Variants in RHBDL2 observed in about 807,000 individuals in gnomAD.
RHBDL2 encodes the protein rhomboid-related protein 2.
Under a neutral mutation model 31.7 loss-of-function variants are expected in RHBDL2, and 26 were observed. The observed-to-expected ratio is 0.82, with a 90% CI of 0.60 to 1.14. The LOEUF is 1.14. Among genes scored for constraint, RHBDL2 ranks in the 50% most tolerant of loss-of-function variants. RHBDL2 has a pLI of 0.00. For missense variants in RHBDL2, 336 were observed against 364.4 expected, an observed-to-expected ratio of 0.92 and a Z score of 0.63; for synonymous variants, 123 against 127.2, an observed-to-expected ratio of 0.97 and a Z score of 0.22.
intron 1 of RHBDL2, among the ~76,000 whole-genome samples, chr1:38,933,389 C>T (rs1036435034): frequency 6.6e-6 from 1 of 152,190 alleles, no homozygotes; most frequent in African/African-American, 2.4e-5. Flanking sequence ...CATTTCCCCA[C>T]TTATATTCTC....
intron 1 of RHBDL2, among the ~76,000 whole-genome samples, chr1:38,939,002 G>A (rs964331455): frequency 6.6e-6 from 1 of 152,208 alleles, no homozygotes; most frequent in African/African-American, 2.4e-5. Context: ...ATGAGGTGCT[G>A]AACGAACAGG....
At chr1:38,894,707 CTTTTTTT>C (rs71057159) in intron 5 of RHBDL2, among the ~76,000 whole-genome samples, 1 of 114,192 alleles carries the variant, frequency 8.8e-6, no homozygotes, top group Non-Finnish European at 1.7e-5. Flanking sequence ...CTTTTTTTTT[CTTTTTTT>C]TTTTTTTTTT....
chr1:38,919,488 A>C, intron 1 of RHBDL2, 151 bp from the exon 2 acceptor site: 1 of 485,766 alleles, frequency 2.1e-6, no homozygotes, highest in Non-Finnish European at 3.3e-6. Flanking sequence ...GTAAGTTAAC[A>C]TCAGATAAAT....
At chr1:38,903,659 A>T (rs934907094) in intron 4 of RHBDL2, among the ~76,000 whole-genome samples, 1 of 152,172 alleles carries the variant, frequency 6.6e-6, no homozygotes, top group African/African-American at 2.4e-5. Flanking sequence ...CCCCAAGTTG[A>T]TCTATAGATT....
chr1:38,893,289 C>A (rs1328973990), intron 5 of RHBDL2, 65 bp from the exon 6 acceptor site: 1 of 714,822 alleles, frequency 1.4e-6, no homozygotes, highest in Admixed American at 2.3e-5. Context: ...CAACTCTACT[C>A]CCTCTTCATC....
chr1:38,893,585 T>C (rs888022061), intron 5 of RHBDL2, among the ~76,000 whole-genome samples: 2 of 152,208 alleles, frequency 1.3e-5, no homozygotes, highest in Non-Finnish European at 2.9e-5. Flanking sequence ...TAATATTCAT[T>C]TGATGTTTCT....
chr1:38,912,933 T>A, intron 3 of RHBDL2, among the ~76,000 whole-genome samples: 1 of 125,722 alleles, frequency 8.0e-6, no homozygotes, highest in Non-Finnish European at 1.6e-5. Flanking sequence ...TGTGTGTGTG[T>A]GTGTGTGTGT....
At chr1:38,918,697 A>T (rs1231754470) in intron 2 of RHBDL2, among the ~76,000 whole-genome samples, 1 of 152,156 alleles carries the variant, frequency 6.6e-6, no homozygotes, top group Non-Finnish European at 1.5e-5. Context: ...AACTAAAATG[A>T]AAGGAAGCCA....
intron 4 of RHBDL2, among the ~76,000 whole-genome samples, chr1:38,906,622 G>A (rs186083457): frequency 2.7e-4 from 41 of 151,528 alleles, no homozygotes; most frequent in East Asian, 2.3e-3. Flanking sequence ...TGCAGTGAGC[G>A]GAGATCGCAC....
rs770169792 is a variant in RHBDL2, at chr1:38,902,201, C to CTTTTTTTTTTTTTT, written c.509-6146_509-6133dup. ...TTTTGTTTTCTTCTTTTTTCTTTTT[C>CTTTTTTTTTTTTTT]TTTTTTTTTTTTTTTTTTTTTTGAG... On this transcript the variant is annotated intron_variant, in intron 4 of 7. Coordinates refer to ENST00000372990, the MANE Select transcript of RHBDL2 (RefSeq NM_017821.5). 2.9e-3 allele frequency among the ~76,000 whole-genome samples: 266 copies of CTTTTTTTTTTTTTT among 92,818 alleles called. 2 individuals are homozygous for CTTTTTTTTTTTTTT. Among genetic ancestry groups the CTTTTTTTTTTTTTT allele is most frequent in the Non-Finnish European group, 3.8e-3 (184 of 48,888 alleles). The allele number at this position is 92,818 out of a possible 152,430, so 60.9% of individuals were successfully genotyped here.
intron 6 of RHBDL2, among the ~76,000 whole-genome samples, chr1:38,890,171 G>C (rs1642836789): frequency 1.3e-5 from 2 of 151,858 alleles, no homozygotes; most frequent in South Asian, 4.2e-4. Flanking sequence ...CTGAGCAGCT[G>C]GAACTACAGG....
At chr1:38,940,191 C>T (rs1486477115) in intron 1 of RHBDL2, among the ~76,000 whole-genome samples, 3 of 152,092 alleles carry the variant, frequency 2.0e-5, no homozygotes, top group Admixed American at 2.0e-4. Flanking sequence ...TAAGAGAATG[C>T]ATTTAAAAGC....
chr1:38,907,104 T>C (rs1643076167), intron 4 of RHBDL2, among the ~76,000 whole-genome samples: 1 of 152,218 alleles, frequency 6.6e-6, no homozygotes, highest in Admixed American at 6.5e-5. Context: ...CCCACAAAAC[T>C]ATAGGCAACT....
chr1:38,886,710 A>C, intron 7 of RHBDL2, 27 bp from the exon 8 acceptor site: 2 of 1,512,452 alleles, frequency 1.3e-6, no homozygotes, highest in Non-Finnish European at 1.8e-6. Flanking sequence ...GGAAAATGGA[A>C]ATAAGTGAAG....
chr1:38,912,904 ATATATATGTGTG>A (rs1398532778), intron 3 of RHBDL2, among the ~76,000 whole-genome samples: 10 of 32,590 alleles, frequency 3.1e-4, no homozygotes, highest in Admixed American at 1.6e-3. Flanking sequence ...ATATATATAT[ATATATATGTGTG>A]TGTGTGTGTG....
intron 3 of RHBDL2, 86 bp from the exon 4 acceptor site, chr1:38,911,520 TC>T: frequency 2.3e-6 from 2 of 867,974 alleles, no homozygotes; most frequent in Non-Finnish European, 3.8e-6. Context: ...TCATGTGTTT[TC>T]TCTAGTTAAG....
intron 1 of RHBDL2, among the ~76,000 whole-genome samples, chr1:38,920,607 CTT>C (rs547790628): frequency 4.1e-4 from 53 of 129,022 alleles, no homozygotes; most frequent in Non-Finnish European, 5.0e-4. Flanking sequence ...CAAGTTTTCT[CTT>C]TTTTTTTTTT....
At chr1:38,927,302 C>T (rs1317688221) in intron 1 of RHBDL2, among the ~76,000 whole-genome samples, 1 of 152,152 alleles carries the variant, frequency 6.6e-6, no homozygotes, top group Non-Finnish European at 1.5e-5. Flanking sequence ...TGGCGGGCGC[C>T]TGTAGTCCCA....
intron 1 of RHBDL2, chr1:38,926,964 C>A (rs1459018976): frequency 2.0e-5 from 3 of 152,334 alleles, no homozygotes; most frequent in African/African-American, 7.2e-5. Context: ...ATTCGTGAAG[C>A]ATTCCATACA....
Sources: allele counts gnomAD v4.1 joint callset (sites outside exome capture counted in the v4.1 genomes callset), GRCh38; gene constraint gnomAD v4.1.1; transcripts MANE v1.5; gene names NCBI Gene and HGNC (gene_info 2026-07-23, HGNC 2026-07-21).